Variants in EML5 observed in about 807,000 individuals in gnomAD.
EML5 encodes the protein EMAP like 5, also known as echinoderm microtubule-associated protein-like 5.
In EML5, 120 loss-of-function variants were observed where a neutral mutation model predicts 250.0. That is an observed-to-expected ratio of 0.48 (90% CI 0.41 to 0.56). The LOEUF is 0.56. Among genes scored for constraint, EML5 ranks in the 20% least tolerant of loss-of-function variants. The pLI, the probability that EML5 is intolerant of heterozygous loss-of-function variation, is 0.00. For missense variants in EML5, 2,006 were observed against 2,437.6 expected, an observed-to-expected ratio of 0.82 and a Z score of 3.73; for synonymous variants, 771 against 806.5, an observed-to-expected ratio of 0.96 and a Z score of 0.75.
intron 28 of EML5, 60 bp from the exon 29 acceptor site, chr14:88,647,015 T>A: frequency 6.9e-7 from 1 of 1,459,602 alleles, no homozygotes; most frequent in Non-Finnish European, 9.4e-7. Flanking sequence ...TTGAAAACAC[T>A]AGTGAAATAC....
rs1263399830 is a variant in EML5 at position 88,657,464 on chromosome 14, A to G, written c.3916T>C (p.Tyr1306His). 1 of 1,606,742 alleles carries G rather than the reference A, an allele frequency of 6.2e-7. No homozygotes were observed. Among genetic ancestry groups the G allele is most frequent in the Non-Finnish European group, 8.5e-7 (1 of 1,176,462 alleles). ...TTTGTTGATAAGGCTCTGATGGTGTAACTGATTTCATTCTCCCTTGTAACA... is the reference window on the plus strand; with the variant it reads ...TTTGTTGATAAGGCTCTGATGGTGTGACTGATTTCATTCTCCCTTGTAACA... ...SDVTRENEIS[Y>H]TIRALSTNIR... Residue 1306 changes from tyrosine (Y) to histidine (H), a missense_variant, in exon 27 of 44, where the codon TAC (tyrosine) becomes CAC (histidine). Tyr to His is a moderately conservative substitution (Grantham distance 83). Around this residue, in one of 7 missense-constraint regions of EML5, gnomAD observed 1,375 missense variants for 1,590.3 expected, o/e 0.86. Transcript: ENST00000554922.
At chr14:88,715,757 A>C (rs1274693847) in intron 8 of EML5, among the ~76,000 whole-genome samples, 1 of 151,718 alleles carries the variant, frequency 6.6e-6, no homozygotes, top group Non-Finnish European at 1.5e-5. Context: ...TCTGGGGATC[A>C]AGCGATTCTC....
chr14:88,758,349 C>T (rs527385040), intron 1 of EML5, among the ~76,000 whole-genome samples: 11 of 152,058 alleles, frequency 7.2e-5, no homozygotes, highest in South Asian at 4.2e-4. Flanking sequence ...TGCACCACCA[C>T]GCCCAGCTAA....
chr14:88,696,617 A>C (rs923496113), intron 15 of EML5, among the ~76,000 whole-genome samples: 1 of 152,174 alleles, frequency 6.6e-6, no homozygotes, highest in Non-Finnish European at 1.5e-5. Context: ...GTTAACAGAA[A>C]CATGTAAATT....
intron 1 of EML5, among the ~76,000 whole-genome samples, chr14:88,783,474 A>G (rs2140810549): frequency 6.6e-6 from 1 of 152,374 alleles, no homozygotes; most frequent in Non-Finnish European, 1.5e-5. Context: ...AAAAGGATGG[A>G]AAAAGATATT....
At chr14:88,657,045 T>C (rs1299902118) in intron 27 of EML5, among the ~76,000 whole-genome samples, 2 of 151,992 alleles carry the variant, frequency 1.3e-5, no homozygotes, top group Non-Finnish European at 2.9e-5. Context: ...CAGGTAGGAG[T>C]GCAGTGGCAC....
intron 21 of EML5, among the ~76,000 whole-genome samples, chr14:88,673,836 C>A (rs1567101666): frequency 6.6e-6 from 1 of 152,170 alleles, no homozygotes; most frequent in Non-Finnish European, 1.5e-5. Flanking sequence ...TGAAGGACCT[C>A]TTCAAAAACT....
At chr14:88,641,778 AGTCTCCATCT>A (rs1388494852) in intron 31 of EML5, among the ~76,000 whole-genome samples, 2 of 152,184 alleles carry the variant, frequency 1.3e-5, no homozygotes, top group Non-Finnish European at 2.9e-5. Context: ...CAGGTGGCCT[AGTCTCCATCT>A]GCCCTCTCTC....
chr14:88,640,145 A>ACCTT (rs1331312749), intron 31 of EML5, among the ~76,000 whole-genome samples: 2,170 of 152,322 alleles, frequency 0.014, 44 homozygotes, highest in African/African-American at 0.05. Flanking sequence ...TGATAGTGTT[A>ACCTT]GATCATCAAG....
chr14:88,669,083 A>G (rs2092387792), intron 21 of EML5, among the ~76,000 whole-genome samples: 2 of 152,148 alleles, frequency 1.3e-5, no homozygotes, highest in Admixed American at 1.3e-4. Context: ...GGACAAGGGG[A>G]GCTCCTACTC....
At chr14:88,733,474 T>G (rs1389494122) in intron 7 of EML5, among the ~76,000 whole-genome samples, 13 of 152,224 alleles carry the variant, frequency 8.5e-5, no homozygotes, top group Non-Finnish European at 1.9e-4. Flanking sequence ...TCCAAATAAA[T>G]TGCCCACCAA....
At chr14:88,617,399 G>A (rs7156054) in intron 41 of EML5, 54,190 of 152,072 alleles carry the variant, frequency 0.36, 11,403 homozygotes, top group Middle Eastern at 0.48. Flanking sequence ...ACCCCCGCTC[G>A]GCCTCCCAAA....
At chr14:88,637,033 T>G (rs1270574933) in intron 32 of EML5, among the ~76,000 whole-genome samples, 1 of 152,248 alleles carries the variant, frequency 6.6e-6, no homozygotes, top group East Asian at 1.9e-4. Context: ...ATGATCTATA[T>G]GATTTTTAAC....
intron 1 of EML5, among the ~76,000 whole-genome samples, chr14:88,782,871 G>A (rs1258589881): frequency 6.6e-6 from 1 of 152,180 alleles, no homozygotes; most frequent in Non-Finnish European, 1.5e-5. Flanking sequence ...CCTGAGGTCA[G>A]GAGTTCAAGA....
chr14:88,696,127 T>G (rs1180404497), intron 15 of EML5, among the ~76,000 whole-genome samples: 1 of 151,486 alleles, frequency 6.6e-6, no homozygotes, highest in Non-Finnish European at 1.5e-5. Flanking sequence ...TAGCTTGCAA[T>G]TCATTTTCTA....
intron 10 of EML5, among the ~76,000 whole-genome samples, chr14:88,707,303 TTTATGGC>T (rs1183112181): frequency 6.6e-6 from 1 of 151,264 alleles, no homozygotes; most frequent in Non-Finnish European, 1.5e-5. Context: ...TATTTATTTA[TTTATGGC>T]AGAGACAGGG....
intron 8 of EML5, among the ~76,000 whole-genome samples, chr14:88,715,715 T>C (rs1448438128): frequency 6.6e-6 from 1 of 151,588 alleles, no homozygotes; most frequent in Non-Finnish European, 1.5e-5. Flanking sequence ...TGGAGTCCAG[T>C]GGCATGATCT....
rs1595886431 is a variant in EML5 at position 88,784,973 on chromosome 14, A to AAACGTGGTT, written c.197+7333_197+7334insAACCACGTT. ...CTATCAACAGATGAATGGATAAAGA[A>AAACGTGGTT]AACGTGGTATATATACACAATGGAG... On this transcript the variant is annotated intron_variant, in intron 1 of 43. Transcript: ENST00000554922. 2.6e-5 allele frequency among the ~76,000 whole-genome samples: 4 copies of AAACGTGGTT among 152,344 alleles called. No homozygotes were observed. In the East Asian group the frequency reaches 7.7e-4, roughly 29 times the overall value.
chr14:88,777,312 A>C (rs2094456175), intron 1 of EML5, among the ~76,000 whole-genome samples: 1 of 152,182 alleles, frequency 6.6e-6, no homozygotes, highest in Non-Finnish European at 1.5e-5. Context: ...GTAAAAAAAA[A>C]TTTACCCTAG....
Sources: allele counts gnomAD v4.1 joint callset (sites outside exome capture counted in the v4.1 genomes callset), GRCh38; gene constraint gnomAD v4.1.1; regional missense constraint gnomAD v4.1.1; transcripts MANE v1.5; gene names NCBI Gene and HGNC (gene_info 2026-07-23, HGNC 2026-07-21).